EIF5A2: variants seen among roughly 807,000 people sequenced by gnomAD.
The protein encoded by EIF5A2 is eukaryotic translation initiation factor 5A-2.
Under a neutral mutation model 16.4 loss-of-function variants are expected in EIF5A2, and 15 were observed. The observed-to-expected ratio is 0.92, with a 90% confidence interval of 0.61 to 1.41. The LOEUF (loss-of-function observed/expected upper bound fraction) is 1.41. Ranked by LOEUF, EIF5A2 falls within the 40% of genes most tolerant of loss-of-function variation. The pLI is 0.00. For synonymous variants in EIF5A2, 48 were observed against 61.1 expected (o/e 0.79, Z 1.00); for missense variants, 144 against 189.5 (o/e 0.76, Z 1.41).
chr3:170,890,599 C>G lies in EIF5A2; in HGVS notation c.*2761G>C, dbSNP rs1712508304. The G allele has an allele frequency of 1.3e-5, 2 of 152,206 alleles. No homozygotes were observed. The highest frequency in any genetic ancestry group is 1.3e-4 in the Admixed American group (2 of 15,272). The allele number at this position is 152,206 out of a possible 1,614,324, so 9.4% of individuals were successfully genotyped here. On this transcript the variant is annotated 3_prime_UTR_variant, in exon 5 of 5. Transcript: ENST00000295822. ...AGCAAATAAGGTATAACAAAGTCTT[C>G]ACAGTATAAATAAAATGTTCTAAAA...
intron 1 of EIF5A2, among the ~76,000 whole-genome samples, chr3:170,908,335 GT>G (rs1393095567): frequency 6.6e-6 from 1 of 152,188 alleles, no homozygotes; most frequent in Non-Finnish European, 1.5e-5. Flanking sequence ...GGCGCCCCCT[GT>G]TCTGCCGGCA....
chr3:170,894,159 G>A, intron 4 of EIF5A2, 133 bp downstream of exon 4: 1 of 1,016,376 alleles, frequency 9.8e-7, no homozygotes, highest in Non-Finnish European at 1.4e-6. Context: ...TGGAAAACCT[G>A]CCTGAGAGAT....
intron 3 of EIF5A2, among the ~76,000 whole-genome samples, chr3:170,897,293 T>A (rs1712698215): frequency 6.6e-6 from 1 of 152,188 alleles, no homozygotes; most frequent in Non-Finnish European, 1.5e-5. Context: ...GAAATTTGCA[T>A]AAGTTACAAG....
chr3:170,902,261 C>T (rs1712835761), intron 3 of EIF5A2, among the ~76,000 whole-genome samples: 1 of 152,134 alleles, frequency 6.6e-6, no homozygotes, highest in Non-Finnish European at 1.5e-5. Flanking sequence ...GATGGTTATG[C>T]ATTATATGAT....
chr3:170,893,233 A>T lies in EIF5A2; in HGVS notation c.*127T>A. ...ATTGCTTGCAAAACTAACCCAGCAC[A>T]ATCTGAAAACAATTAAAAAAAGAAA... On this transcript the variant is annotated 3_prime_UTR_variant, in exon 5 of 5. Coordinates refer to ENST00000295822, the MANE Select transcript of EIF5A2 (RefSeq NM_020390.6). 1 of 852,152 alleles carries T rather than the reference A, an allele frequency of 1.2e-6. No individual in the cohort carries two copies. Among genetic ancestry groups the T allele is most frequent in the Non-Finnish European group, 1.7e-6 (1 of 591,826 alleles). 52.8% of individuals were successfully genotyped at this position (852,152 alleles called of 1,614,324 possible). A position where few individuals can be genotyped will look rare whatever the true frequency, so the allele number is the denominator to read the frequency against.
rs1475287843 is a variant in EIF5A2 at position 170,890,547 on chromosome 3, A to C, written c.*2813T>G. On this transcript the variant is annotated 3_prime_UTR_variant, in exon 5 of 5. Coordinates refer to ENST00000295822, the MANE Select transcript of EIF5A2 (RefSeq NM_020390.6). ...TGTTTATGATGCAAATGCTAAGTCA[A>C]AGTAGCAATGATATGATCTATGTTG... 1.3e-5 allele frequency: 2 copies of C among 152,182 alleles called. No individual in the cohort carries two copies. Among genetic ancestry groups the C allele is most frequent in the Non-Finnish European group, 2.9e-5 (2 of 67,990 alleles). 9.4% of individuals were successfully genotyped at this position (152,182 alleles called of 1,614,324 possible).
chr3:170,905,956 T>C (rs1712926504), intron 3 of EIF5A2, among the ~76,000 whole-genome samples: 1 of 151,936 alleles, frequency 6.6e-6, no homozygotes, highest in Non-Finnish European at 1.5e-5. Context: ...CTAGAAAACA[T>C]TTATGACAAG....
chr3:170,900,476 C>G (rs1375319927), intron 3 of EIF5A2, among the ~76,000 whole-genome samples: 1 of 150,988 alleles, frequency 6.6e-6, no homozygotes, highest in Non-Finnish European at 1.5e-5. Context: ...GTAAGATGAA[C>G]CTGGAGAAGC....
At chr3:170,905,223 C>T (rs1712907275) in intron 3 of EIF5A2, among the ~76,000 whole-genome samples, 1 of 152,196 alleles carries the variant, frequency 6.6e-6, no homozygotes, top group African/African-American at 2.4e-5. Context: ...GCGCCTTGAG[C>T]TCCTATATGG....
At chr3:170,901,103 A>G (rs1223066377) in intron 3 of EIF5A2, among the ~76,000 whole-genome samples, 1 of 152,244 alleles carries the variant, frequency 6.6e-6, no homozygotes, top group Non-Finnish European at 1.5e-5. Flanking sequence ...CAAGGGACAG[A>G]GGAACATGTT....
chr3:170,891,318 G>A lies in EIF5A2; in HGVS notation c.*2042C>T, dbSNP rs962433622. ...AAGAAACTAGAGCAGTATGTAGTAG[G>A]TACTTAAATAGAATACTGGAAAGAA... On this transcript the variant is annotated 3_prime_UTR_variant, in exon 5 of 5. Transcript: ENST00000295822. 1.3e-5 allele frequency: 2 copies of A among 152,548 alleles called. No homozygotes were observed. The highest frequency in any genetic ancestry group is 4.8e-5 in the African/African-American group (2 of 41,428). The allele number at this position is 152,548 out of a possible 1,614,324, so 9.4% of individuals were successfully genotyped here.
At chr3:170,902,114 T>C (rs1237895831) in intron 3 of EIF5A2, among the ~76,000 whole-genome samples, 1 of 152,174 alleles carries the variant, frequency 6.6e-6, no homozygotes, top group Non-Finnish European at 1.5e-5. Flanking sequence ...AAACAAGTTG[T>C]ATAAGAAGTG....
Position 170,893,372 on chromosome 3 carries a change from T to C in EIF5A2, c.450A>G (p.Lys150=). The change falls in exon 5 of 5, where the codon AAA becomes AAG. Residue 150 remains lysine, a synonymous_variant. Coordinates refer to ENST00000295822, the MANE Select transcript of EIF5A2 (RefSeq NM_020390.6). ...AMSEEYAVAI[K]PCK Reference sequence around the variant, plus strand: ...CTGATGTTTCCGTTTATTTGCAGGGTTTTATGGCTACAGCATATTCTTCAC... The same window carrying C: ...CTGATGTTTCCGTTTATTTGCAGGGCTTTATGGCTACAGCATATTCTTCAC... 6.2e-7 allele frequency: 1 copy of C among 1,613,832 alleles called. No individual in the cohort carries two copies. Among genetic ancestry groups the C allele is most frequent in the Non-Finnish European group, 8.5e-7 (1 of 1,179,936 alleles).
At chr3:170,905,083 G>C (rs1481036250) in intron 3 of EIF5A2, among the ~76,000 whole-genome samples, 2 of 151,956 alleles carry the variant, frequency 1.3e-5, no homozygotes, top group South Asian at 2.1e-4. Context: ...ATTAAAGAAG[G>C]CACCAAAAAA....
intron 2 of EIF5A2, 91 bp downstream of exon 2, chr3:170,907,551 T>A: frequency 1.5e-6 from 2 of 1,369,822 alleles, no homozygotes; most frequent in Non-Finnish European, 1.9e-6. Context: ...ATTACAAAAT[T>A]TTAAGTATAG....
Position 170,893,310 on chromosome 3 carries a change from G to C in EIF5A2, c.*50C>G. The C allele has an allele frequency of 6.3e-7, 1 of 1,593,530 alleles. No individual in the cohort carries two copies. The highest frequency in any genetic ancestry group is 2.3e-5 in the East Asian group (1 of 44,310). On this transcript the variant is annotated 3_prime_UTR_variant, in exon 5 of 5. Transcript: ENST00000295822. ...TTGGTGACAACTTAGAACCAAATTA[G>C]ATCTGCAGTTGATTCAGACATAAAC...
intron 2 of EIF5A2, among the ~76,000 whole-genome samples, 157 bp downstream of exon 2, chr3:170,907,485 G>C (rs1712968056): frequency 6.6e-6 from 1 of 152,156 alleles, no homozygotes; most frequent in African/African-American, 2.4e-5. Flanking sequence ...CTACCTTTAA[G>C]TATTCAACGT....
chr3:170,892,248 GAA>G lies in EIF5A2; in HGVS notation c.*1110_*1111del. 6.6e-6 allele frequency: 1 copy of G among 152,324 alleles called. No individual in the cohort carries two copies. The highest frequency in any genetic ancestry group is 2.1e-4 in the South Asian group (1 of 4,820). 9.4% of individuals were successfully genotyped at this position (152,324 alleles called of 1,614,324 possible). ...TCAAGACCAGCCTAGACAACATGGT[GAA>G]ACCCCATCTCTACTAAAATACACAA... On this transcript the variant is annotated 3_prime_UTR_variant, in exon 5 of 5. Transcript: ENST00000295822.
At chr3:170,896,518 A>G (rs999415681) in intron 3 of EIF5A2, among the ~76,000 whole-genome samples, 6 of 152,130 alleles carry the variant, frequency 3.9e-5, no homozygotes, top group African/African-American at 1.4e-4. Flanking sequence ...AGTTCTCTTC[A>G]AAGTGTTTAG....
Sources: allele counts gnomAD v4.1 joint callset (sites outside exome capture counted in the v4.1 genomes callset), GRCh38; gene constraint gnomAD v4.1.1; transcripts MANE v1.5; gene names NCBI Gene and HGNC (gene_info 2026-07-23, HGNC 2026-07-21).